CDS2: variants seen among roughly 807,000 people sequenced by gnomAD.
CDS2 encodes the protein phosphatidate cytidylyltransferase 2.
CDS2 carries 47 observed loss-of-function variants against 59.0 expected under a neutral mutation model. The observed-to-expected ratio is 0.80, with a 90% CI of 0.63 to 1.02. The LOEUF (loss-of-function observed/expected upper bound fraction) is 1.02. Ranked by LOEUF, CDS2 falls within the 50% of genes least tolerant of loss-of-function variation. The pLI, the probability that CDS2 is intolerant of heterozygous loss-of-function variation, is 0.00. For synonymous variants in CDS2, 207 were observed against 206.4 expected, an observed-to-expected ratio of 1.00 and a Z score of -0.02; for missense variants, 356 against 558.9, an observed-to-expected ratio of 0.64 and a Z score of 3.66.
chr20:5,143,553 G>T (rs1193797758), intron 1 of CDS2, among the ~76,000 whole-genome samples: 2 of 151,838 alleles, frequency 1.3e-5, no homozygotes, highest in Non-Finnish European at 2.9e-5. Context: ...GAATAATGCT[G>T]CTAGGAACAT....
chr20:5,146,927 T>C (rs577116789), intron 1 of CDS2, among the ~76,000 whole-genome samples: 1 of 152,344 alleles, frequency 6.6e-6, no homozygotes, highest in East Asian at 1.9e-4. Flanking sequence ...ATAGGATGGC[T>C]GCTAGAATTC....
At chr20:5,185,069 C>A in intron 8 of CDS2, 124 bp downstream of exon 8, 2 of 705,756 alleles carry the variant, frequency 2.8e-6, no homozygotes, top group Non-Finnish European at 5.0e-6. Flanking sequence ...GTCTTCATGT[C>A]TTCCTGGAGA....
chr20:5,178,966 A>T lies in CDS2; in HGVS notation c.529+10A>T. On this transcript the variant is annotated intron_variant, in intron 5 of 12. Coordinates refer to ENST00000460006, the MANE Select transcript of CDS2 (RefSeq NM_003818.4). The stretch of plus-strand genomic sequence containing the variant: ...ACTCTCTATCTAATAGGTATGCATT[A>T]AGCAGTTCACCATTTCTTGTGTCTG... 6.2e-7 allele frequency: 1 copy of T among 1,612,926 alleles called. No individual in the cohort carries two copies. The highest frequency in any genetic ancestry group is 2.2e-5 in the East Asian group (1 of 44,856).
At chr20:5,186,376 A>G (rs1391295432) in intron 9 of CDS2, among the ~76,000 whole-genome samples, 2 of 152,106 alleles carry the variant, frequency 1.3e-5, no homozygotes, top group Non-Finnish European at 2.9e-5. Flanking sequence ...GATCTTGAGG[A>G]AAGTGGTCCT....
At chr20:5,150,158 C>T (rs1289180485) in intron 1 of CDS2, among the ~76,000 whole-genome samples, 1 of 152,138 alleles carries the variant, frequency 6.6e-6, no homozygotes, top group Non-Finnish European at 1.5e-5. Context: ...AAAGTGCTGC[C>T]ACTGTGATAA....
intron 1 of CDS2, among the ~76,000 whole-genome samples, chr20:5,155,453 G>T (rs1406258663): frequency 6.6e-6 from 1 of 152,028 alleles, no homozygotes; most frequent in East Asian, 1.9e-4. Context: ...ATTATGGAAG[G>T]TGCCCTCTTA....
rs74616885 is a variant in CDS2 at position 5,169,747 on chromosome 20, A to G, written c.58-3776A>G. On this transcript the variant is annotated intron_variant, in intron 1 of 12. Transcript: ENST00000460006. ...CCTCCCACACTTTGGCAGATGGTTC[A>G]GCTTCAGAGTCTACTAGCATGGACT... 9.5e-3 allele frequency among the ~76,000 whole-genome samples: 1,450 copies of G among 152,368 alleles called. 22 individuals carry two copies. The highest frequency in any genetic ancestry group is 0.033 in the African/African-American group (1,376 of 41,590).
chr20:5,145,238 C>CCG (rs1555780912), intron 1 of CDS2, among the ~76,000 whole-genome samples: 1 of 78,572 alleles, frequency 1.3e-5, no homozygotes, highest in Non-Finnish European at 2.4e-5. Flanking sequence ...AAGGAAAGAC[C>CCG]CCCCCCCCCG....
In CDS2 at chr20:5,181,063, A is replaced by C. The variant is rs188169226; in HGVS notation, c.530-1324A>C. On this transcript the variant is annotated intron_variant, in intron 5 of 12. Transcript: ENST00000460006. ...ACAAATAGTACAACTATTCCATATC[A>C]GTAAAGCAAAATAAGCAAAACTATC... is the stretch of plus-strand genomic sequence containing the variant. 1.7e-3 allele frequency among the ~76,000 whole-genome samples: 258 copies of C among 152,184 alleles called. 1 individual carries two copies. The highest frequency in any genetic ancestry group is 3.4e-3 in the Non-Finnish European group (232 of 68,042).
In CDS2 at chr20:5,195,917, A is replaced by G. The variant is rs1053620518; in HGVS notation, c.*5683A>G. ...GAGAACAGGCACAGGACTTAATGAA[A>G]AGAGTTTCTTGAACTTAGTTTTCTG... On this transcript the variant is annotated 3_prime_UTR_variant, in exon 13 of 13. Coordinates refer to ENST00000460006, the MANE Select transcript of CDS2 (RefSeq NM_003818.4). 6.6e-6 allele frequency: 1 copy of G among 152,086 alleles called. No individual in the cohort carries two copies. The highest frequency in any genetic ancestry group is 2.4e-5 in the African/African-American group (1 of 41,406). 9.4% of individuals were successfully genotyped at this position (152,086 alleles called of 1,614,324 possible).
intron 1 of CDS2, among the ~76,000 whole-genome samples, chr20:5,139,735 C>T (rs947498998): frequency 6.6e-6 from 1 of 150,846 alleles, no homozygotes; most frequent in Non-Finnish European, 1.5e-5. Context: ...TCCTTCTGTA[C>T]TTAATTTATT....
chr20:5,142,397 A>G (rs559852484), intron 1 of CDS2, among the ~76,000 whole-genome samples: 4 of 152,218 alleles, frequency 2.6e-5, no homozygotes, highest in East Asian at 1.9e-4. Flanking sequence ...CAGTGAGCCA[A>G]GATCACGCCA....
Position 5,186,548 on chromosome 20 carries a change from A to G in CDS2, c.829-139A>G, listed in dbSNP as rs1442959172. On this transcript the variant is annotated intron_variant, in intron 9 of 12. Transcript: ENST00000460006. ...AATTGAGGTAAAATATGTATGGTAA[A>G]ACATGAACCTCTGAGCACATAGCTC... The G allele has an allele frequency of 8.1e-6, 6 of 741,412 alleles. No individual in the cohort carries two copies. In the East Asian group the frequency reaches 1.0e-4, roughly 12 times the overall value. 45.9% of individuals were successfully genotyped at this position (741,412 alleles called of 1,614,324 possible).
intron 1 of CDS2, among the ~76,000 whole-genome samples, chr20:5,127,351 T>G (rs1039396056): frequency 2.0e-5 from 3 of 152,054 alleles, no homozygotes; most frequent in Non-Finnish European, 4.4e-5. Flanking sequence ...GGGTCCCGGC[T>G]CAGGGTCTGA....
rs74773710 is a variant in CDS2 at position 5,148,033 on chromosome 20, A to G, written c.57+20884A>G. On this transcript the variant is annotated intron_variant, in intron 1 of 12. Transcript: ENST00000460006. ...GAGTGCAGTGGCATGATCTTGGCTC[A>G]CTGCAACCTCTAAGAGCAGTAATTG... Among the ~76,000 whole-genome samples the G allele has an allele frequency of 1.7e-3, 258 of 152,194 alleles. 2 individuals are homozygous for G. The highest frequency in any genetic ancestry group is 6.0e-3 in the African/African-American group (249 of 41,530).
intron 10 of CDS2, 149 bp from the exon 11 acceptor site, chr20:5,188,918 G>A: frequency 1.2e-6 from 1 of 853,398 alleles, no homozygotes; most frequent in Admixed American, 2.1e-5. Context: ...ATTCATGAGG[G>A]ATTTGCCCCT....
intron 5 of CDS2, among the ~76,000 whole-genome samples, chr20:5,180,840 C>G (rs572757375): frequency 3.3e-5 from 5 of 152,260 alleles, no homozygotes; most frequent in African/African-American, 1.2e-4. Context: ...GATCCATCCT[C>G]TGTAACTTCT....
At chr20:5,157,361 G>GA (rs1306729848) in intron 1 of CDS2, among the ~76,000 whole-genome samples, 1 of 152,132 alleles carries the variant, frequency 6.6e-6, no homozygotes, top group East Asian at 1.9e-4. Context: ...GGAGTTGAAA[G>GA]AAAAATGGTT....
intron 4 of CDS2, among the ~76,000 whole-genome samples, chr20:5,178,316 T>G (rs902963863): frequency 1.3e-5 from 2 of 152,148 alleles, no homozygotes; most frequent in Non-Finnish European, 2.9e-5. Flanking sequence ...ATGCAAAGTT[T>G]TATGAATAAA....
Sources: gnomAD v4.1 joint callset for allele counts (sites outside exome capture counted in the v4.1 genomes callset) on GRCh38, gnomAD v4.1.1 for gene constraint, MANE v1.5 for transcripts, NCBI Gene and HGNC (gene_info 2026-07-23, HGNC 2026-07-21) for gene names.